Variants in INO80D observed in about 807,000 individuals in gnomAD.
The protein encoded by INO80D is INO80 complex subunit D.
A neutral mutation model predicts 87.6 loss-of-function variants in INO80D; 21 were observed. That is an observed-to-expected ratio of 0.24 (90% confidence interval 0.17 to 0.35). The LOEUF (loss-of-function observed/expected upper bound fraction) is 0.35. Ranked by LOEUF, INO80D falls within the 10% of genes least tolerant of loss-of-function variation. INO80D has a pLI of 1.00. For synonymous variants in INO80D, 440 were observed against 491.0 expected (o/e 0.90, Z 1.37); for missense variants, 982 against 1,280.7 (o/e 0.77, Z 3.56).
chr2:206,081,634 T>C (rs1690286116), intron 1 of INO80D, among the ~76,000 whole-genome samples: 1 of 151,724 alleles, frequency 6.6e-6, no homozygotes, highest in East Asian at 1.9e-4. Context: ...GCACCTGTAG[T>C]CCTGGCTGAC....
At chr2:206,039,053 A>G (rs11888013) in intron 5 of INO80D, among the ~76,000 whole-genome samples, 44,668 of 152,080 alleles carry the variant, frequency 0.29, 6,942 homozygotes, top group Admixed American at 0.36. Context: ...ATACTTACAA[A>G]GACCCCGAAG....
intron 1 of INO80D, among the ~76,000 whole-genome samples, chr2:206,077,578 C>T (rs1690154065): frequency 6.6e-6 from 1 of 152,148 alleles, no homozygotes; most frequent in Non-Finnish European, 1.5e-5. Context: ...TTTGACTGAT[C>T]TGGGTACAGT....
intron 9 of INO80D, among the ~76,000 whole-genome samples, chr2:206,009,032 A>G (rs1273421729): frequency 5.9e-5 from 9 of 152,228 alleles, no homozygotes; most frequent in Admixed American, 5.9e-4. Flanking sequence ...TTAAGAGACT[A>G]GGTATAGTGG....
At chr2:206,024,127 C>G (rs919194814) in intron 6 of INO80D, among the ~76,000 whole-genome samples, 4 of 152,152 alleles carry the variant, frequency 2.6e-5, no homozygotes, top group African/African-American at 9.7e-5. Context: ...TGTTAGTTAT[C>G]ATTATTTTAT....
chr2:206,060,122 T>C (rs773249478), intron 3 of INO80D, among the ~76,000 whole-genome samples: 1 of 152,022 alleles, frequency 6.6e-6, no homozygotes, highest in Non-Finnish European at 1.5e-5. Context: ...AGAGGATCAT[T>C]TGAGGCCCAA....
chr2:205,999,443 T>C lies in INO80D; in HGVS notation c.*4925A>G, dbSNP rs1234239662. On this transcript the variant is annotated 3_prime_UTR_variant, in exon 11 of 11. Transcript: ENST00000403263. ...AACTGCTGTTCAAAGTAGCCAAACA[T>C]CCCCAGTATTGGGGAACATAGGGTA... 7.9e-5 allele frequency: 12 copies of C among 152,104 alleles called. 1 individual carries two copies. The highest frequency in any genetic ancestry group is 7.9e-4 in the Admixed American group (12 of 15,264). The allele number at this position is 152,104 out of a possible 1,614,324, so 9.4% of individuals were successfully genotyped here. A position where few individuals can be genotyped will look rare whatever the true frequency, so the allele number is the denominator to read the frequency against.
At chr2:206,011,200 T>G (rs1688165580) in intron 8 of INO80D, among the ~76,000 whole-genome samples, 1 of 152,146 alleles carries the variant, frequency 6.6e-6, no homozygotes, top group Non-Finnish European at 1.5e-5. Flanking sequence ...CAAGGGCCAG[T>G]ACCCGAACAT....
intron 5 of INO80D, among the ~76,000 whole-genome samples, chr2:206,038,772 G>A (rs973516040): frequency 7.2e-5 from 11 of 152,248 alleles, no homozygotes; most frequent in African/African-American, 2.4e-4. Context: ...GGTCATTCCA[G>A]CCTGGGTGAC....
chr2:206,040,500 A>G (rs1010360185), intron 5 of INO80D: 15 of 215,946 alleles, frequency 6.9e-5, no homozygotes, highest in African/African-American at 3.2e-4. Context: ...CTGAACACAA[A>G]GCTGTCATCG....
intron 1 of INO80D, among the ~76,000 whole-genome samples, chr2:206,081,863 T>C (rs1465006179): frequency 6.6e-6 from 1 of 152,046 alleles, no homozygotes; most frequent in Non-Finnish European, 1.5e-5. Context: ...GGCTATCTCA[T>C]CTAACCCTTA....
chr2:206,071,595 T>C (rs1382180471), intron 1 of INO80D, among the ~76,000 whole-genome samples: 1 of 149,116 alleles, frequency 6.7e-6, no homozygotes, highest in Non-Finnish European at 1.5e-5. Context: ...CCATTTTGGG[T>C]TGCTCAAATT....
chr2:206,050,414 C>T (rs1689320385), intron 4 of INO80D, among the ~76,000 whole-genome samples: 1 of 148,212 alleles, frequency 6.7e-6, no homozygotes, highest in Non-Finnish European at 1.5e-5. Context: ...ATCGCTTGAA[C>T]CCGGGAGGCG....
At chr2:206,015,451 G>C (rs1045941024) in intron 8 of INO80D, among the ~76,000 whole-genome samples, 1 of 152,168 alleles carries the variant, frequency 6.6e-6, no homozygotes, top group African/African-American at 2.4e-5. Flanking sequence ...GGCTAAAAGG[G>C]AGCAAGGTAG....
At chr2:206,071,661 T>C (rs1689976896) in intron 1 of INO80D, among the ~76,000 whole-genome samples, 1 of 151,242 alleles carries the variant, frequency 6.6e-6, no homozygotes, top group East Asian at 1.9e-4. Flanking sequence ...CTTTGAATGT[T>C]TCTGCAATGT....
intron 4 of INO80D, among the ~76,000 whole-genome samples, chr2:206,049,344 G>A (rs1689284534): frequency 6.6e-6 from 1 of 152,142 alleles, no homozygotes; most frequent in African/African-American, 2.4e-5. Flanking sequence ...AATTTGTAGG[G>A]GGAAAAGGTA....
At chr2:206,070,648 A>G (rs1689937173) in intron 1 of INO80D, among the ~76,000 whole-genome samples, 1 of 152,056 alleles carries the variant, frequency 6.6e-6, no homozygotes, top group Non-Finnish European at 1.5e-5. Flanking sequence ...TGAACCCAGG[A>G]GGCAGAGGTT....
chr2:206,019,265 G>A (rs191967197), intron 7 of INO80D, among the ~76,000 whole-genome samples: 41 of 152,232 alleles, frequency 2.7e-4, no homozygotes, highest in Admixed American at 2.7e-3. Flanking sequence ...TCTTTCCTAG[G>A]CAGTGATGTT....
intron 7 of INO80D, 38 bp from the exon 8 acceptor site, chr2:206,017,851 C>T (rs1266293020): frequency 4.5e-6 from 7 of 1,561,104 alleles, no homozygotes; most frequent in Non-Finnish European, 6.1e-6. Context: ...TACACTGAAA[C>T]TCTAATTTTT....
intron 4 of INO80D, among the ~76,000 whole-genome samples, chr2:206,053,207 T>A (rs1559454633): frequency 2.0e-5 from 3 of 152,098 alleles, no homozygotes; most frequent in Non-Finnish European, 4.4e-5. Context: ...GATGTGGCAA[T>A]AATTGTTTTA....
Sources: gnomAD v4.1 joint callset for allele counts (sites outside exome capture counted in the v4.1 genomes callset) on GRCh38, gnomAD v4.1.1 for gene constraint, MANE v1.5 for transcripts, NCBI Gene and HGNC (gene_info 2026-07-23, HGNC 2026-07-21) for gene names.